The following CAMTA1 variants were observed in gnomAD, a reference collection of about 807,000 sequenced individuals.
CAMTA1 encodes calmodulin binding transcription activator 1, also known as calmodulin-binding transcription activator 1.
CAMTA1 carries 27 observed loss-of-function variants against 170.9 expected under a neutral mutation model. That is an observed-to-expected ratio of 0.16 (90% CI 0.12 to 0.22). The LOEUF (loss-of-function observed/expected upper bound fraction) is 0.22, where lower values mean the gene tolerates loss of function less well. Ranked by LOEUF, CAMTA1 falls within the 10% of genes least tolerant of loss-of-function variation. CAMTA1 has a pLI of 1.00. For synonymous variants in CAMTA1, 833 were observed against 891.5 expected (o/e 0.93, Z 1.17); for missense variants, 1,619 against 2,217.2 (o/e 0.73, Z 5.42).
chr1:7,135,781 G>T (rs116052338), intron 4 of CAMTA1, among the ~76,000 whole-genome samples: 1 of 152,046 alleles, frequency 6.6e-6, no homozygotes, highest in Middle Eastern at 3.2e-3. Flanking sequence ...TCTATCTGTC[G>T]TAATTCATGA....
At chr1:7,643,915 G>A (rs1211561580) in intron 7 of CAMTA1, among the ~76,000 whole-genome samples, 1 of 152,218 alleles carries the variant, frequency 6.6e-6, no homozygotes, top group African/African-American at 2.4e-5. Flanking sequence ...GGACAGCAGA[G>A]GTGTGCTGAG....
chr1:7,304,207 A>G (rs1453661879), intron 5 of CAMTA1, among the ~76,000 whole-genome samples: 1 of 152,224 alleles, frequency 6.6e-6, no homozygotes, highest in Non-Finnish European at 1.5e-5. Flanking sequence ...GAAAACGGTC[A>G]AAATGGGAAA....
At chr1:7,430,011 C>T (rs1004315887) in intron 5 of CAMTA1, among the ~76,000 whole-genome samples, 2 of 152,128 alleles carry the variant, frequency 1.3e-5, no homozygotes. Flanking sequence ...TCACCTCCCA[C>T]CAGGCCCTAC....
At chr1:6,863,753 C>G (rs561279839) in intron 3 of CAMTA1, among the ~76,000 whole-genome samples, 21 of 152,338 alleles carry the variant, frequency 1.4e-4, no homozygotes, top group Admixed American at 1.2e-3. Context: ...ATGTTTCACA[C>G]CAGTGAACCA....
chr1:7,406,569 T>C (rs2090304353), intron 5 of CAMTA1, among the ~76,000 whole-genome samples: 1 of 152,072 alleles, frequency 6.6e-6, no homozygotes, highest in South Asian at 2.1e-4. Flanking sequence ...TACACACACA[T>C]GCACAGGCAC....
At position 7,478,998 on chromosome 1, in the gene CAMTA1, G is replaced by A. The variant is rs995966778; in HGVS notation, c.510+11097G>A. On this transcript the variant is annotated intron_variant, in intron 6 of 22. Transcript: ENST00000303635. ...AAAGGGCAAAGAGTGAAATCCAGAC[G>A]TAGTGGGACAGAATGCAGTGGAAGA... is the stretch of plus-strand genomic sequence containing the variant. Among the ~76,000 whole-genome samples the A allele has an allele frequency of 2.6e-5, 4 of 152,212 alleles. 1 individual carries two copies. The highest frequency in any genetic ancestry group is 9.7e-5 in the African/African-American group (4 of 41,448).
chr1:7,025,117 C>T (rs569547937), intron 3 of CAMTA1, among the ~76,000 whole-genome samples: 1 of 152,148 alleles, frequency 6.6e-6, no homozygotes, highest in East Asian at 1.9e-4. Flanking sequence ...CTGCACAAAA[C>T]TGTAAAGCAA....
At chr1:7,398,193 CTATATATATATATATATATATATA>C (rs3034829) in intron 5 of CAMTA1, among the ~76,000 whole-genome samples, 24 of 16,902 alleles carry the variant, frequency 1.4e-3, no homozygotes, top group Admixed American at 3.5e-3. Context: ...CTCTCTCTCT[CTATATATATATATATATATATATA>C]TATATATATA....
intron 4 of CAMTA1, among the ~76,000 whole-genome samples, chr1:7,210,467 G>T (rs765474450): frequency 1.3e-5 from 2 of 152,142 alleles, no homozygotes; most frequent in Non-Finnish European, 2.9e-5. Context: ...TACTGGGATT[G>T]TTGACTTTGA....
At chr1:6,812,881 A>G (rs2148366433) in intron 1 of CAMTA1, among the ~76,000 whole-genome samples, 1 of 152,292 alleles carries the variant, frequency 6.6e-6, no homozygotes, top group East Asian at 1.9e-4. Context: ...TGTTCCAGCT[A>G]CTTGTTTGCT....
intron 22 of CAMTA1, 92 bp from the exon 23 acceptor site, chr1:7,766,367 A>T: frequency 8.6e-7 from 1 of 1,164,476 alleles, no homozygotes; most frequent in Non-Finnish European, 1.2e-6. Flanking sequence ...TTGGCTTTTC[A>T]GTTCAGAGGG....
At chr1:7,683,547 G>A (rs942670789) in intron 11 of CAMTA1, among the ~76,000 whole-genome samples, 7 of 152,110 alleles carry the variant, frequency 4.6e-5, no homozygotes, top group Admixed American at 1.3e-4. Context: ...CCACCCCACC[G>A]AGAGCTTTCT....
intron 5 of CAMTA1, among the ~76,000 whole-genome samples, chr1:7,454,088 G>C (rs1010364086): frequency 6.6e-6 from 1 of 152,214 alleles, no homozygotes; most frequent in Non-Finnish European, 1.5e-5. Flanking sequence ...TCCCCGAGGG[G>C]AGCTCTGACT....
At chr1:7,710,228 C>G (rs975582529) in intron 11 of CAMTA1, among the ~76,000 whole-genome samples, 1 of 152,206 alleles carries the variant, frequency 6.6e-6, no homozygotes, top group Non-Finnish European at 1.5e-5. Flanking sequence ...TTTATTGCTA[C>G]TGTCATTTAT....
intron 7 of CAMTA1, among the ~76,000 whole-genome samples, chr1:7,654,106 C>G (rs945222012): frequency 6.6e-6 from 1 of 151,946 alleles, no homozygotes; most frequent in African/African-American, 2.4e-5. Flanking sequence ...AAGGGCTAGG[C>G]GTGGTGGCTC....
chr1:6,955,175 T>G (rs1572010876), intron 3 of CAMTA1, among the ~76,000 whole-genome samples: 1 of 149,830 alleles, frequency 6.7e-6, no homozygotes, highest in African/African-American at 2.5e-5. Flanking sequence ...GGGTGGGGGG[T>G]TGGGGGAGCA....
At chr1:7,491,237 G>C (rs766646117) in intron 6 of CAMTA1, among the ~76,000 whole-genome samples, 1 of 152,090 alleles carries the variant, frequency 6.6e-6, no homozygotes, top group Non-Finnish European at 1.5e-5. Flanking sequence ...AGGCAGAGCC[G>C]GGAGGACTCC....
At chr1:7,575,143 G>A (rs2095174970) in intron 6 of CAMTA1, among the ~76,000 whole-genome samples, 2 of 152,196 alleles carry the variant, frequency 1.3e-5, no homozygotes, top group African/African-American at 4.8e-5. Flanking sequence ...GCTCAGCTCT[G>A]TTTCTGGCCA....
intron 4 of CAMTA1, among the ~76,000 whole-genome samples, chr1:7,129,549 CCAGGCAATA>C (rs1645128172): frequency 1.3e-5 from 2 of 152,182 alleles, no homozygotes; most frequent in African/African-American, 4.8e-5. Context: ...GGTTCTTACT[CCAGGCAATA>C]CACTTAATTC....
Sources: gnomAD v4.1 joint callset for allele counts (sites outside exome capture counted in the v4.1 genomes callset) on GRCh38, gnomAD v4.1.1 for gene constraint, MANE v1.5 for transcripts, NCBI Gene and HGNC (gene_info 2026-07-23, HGNC 2026-07-21) for gene names.